Variants in TMED10 observed in about 807,000 individuals in gnomAD.
TMED10 encodes the protein transmembrane p24 trafficking protein 10, also known as transmembrane emp24 domain-containing protein 10.
A neutral mutation model predicts 23.1 loss-of-function variants in TMED10; 7 were observed. The ratio of observed to expected loss-of-function variants is 0.30; its 90% CI spans 0.17 to 0.57. The LOEUF is 0.57. TMED10 is among the 20% of genes least tolerant of loss of function. The pLI is 0.91. For synonymous variants in TMED10, 113 were observed against 106.9 expected, an observed-to-expected ratio of 1.06 and a Z score of -0.35; for missense variants, 162 against 274.8, an observed-to-expected ratio of 0.59 and a Z score of 2.90.
At chr14:75,174,776 C>T (rs899713174) in intron 1 of TMED10, among the ~76,000 whole-genome samples, 2 of 152,078 alleles carry the variant, frequency 1.3e-5, no homozygotes, top group Admixed American at 1.3e-4. Flanking sequence ...GGCGCGGTGG[C>T]TTACGGCTGT....
intron 1 of TMED10, among the ~76,000 whole-genome samples, chr14:75,171,012 T>G (rs1896226546): frequency 6.6e-6 from 1 of 152,134 alleles, no homozygotes; most frequent in South Asian, 2.1e-4. Context: ...CACATCCTAA[T>G]CCCTAGAACC....
chr14:75,149,265 A>T (rs990407205), intron 2 of TMED10, among the ~76,000 whole-genome samples: 1 of 152,248 alleles, frequency 6.6e-6, no homozygotes, highest in Non-Finnish European at 1.5e-5. Flanking sequence ...CTCTGCCCTC[A>T]TCAATAGATT....
intron 1 of TMED10, among the ~76,000 whole-genome samples, chr14:75,165,017 TA>T (rs1201608450): frequency 6.6e-6 from 1 of 152,002 alleles, no homozygotes; most frequent in Non-Finnish European, 1.5e-5. Context: ...TAATAAGGAA[TA>T]AACTACATGA....
intron 1 of TMED10, among the ~76,000 whole-genome samples, chr14:75,165,988 G>T (rs1235669606): frequency 2.6e-5 from 4 of 151,140 alleles, no homozygotes; most frequent in Admixed American, 1.3e-4. Flanking sequence ...GGGGAGGAGT[G>T]GGGGGGTAAG....
rs186792677 is a variant in TMED10, at chr14:75,135,654, T to C, written c.538+106A>G. 197 of 1,491,820 alleles carry C rather than the reference T, an allele frequency of 1.3e-4. No homozygotes were observed. The Admixed American group carries it at 4.3e-3, about 33-fold the overall frequency. 92.4% of individuals were successfully genotyped at this position (1,491,820 alleles called of 1,614,324 possible). A position where few individuals can be genotyped will look rare whatever the true frequency, so the allele number is the denominator to read the frequency against. ...AGCGAAGCAAGCAATTTCCCCTCCA[T>C]ATACCCACCTTGGCAAAACTGAGAA... On this transcript the variant is annotated intron_variant, in intron 4 of 4. Transcript: ENST00000303575.
chr14:75,134,851 A>G lies in TMED10; in HGVS notation c.*34T>C. On this transcript the variant is annotated 3_prime_UTR_variant, in exon 5 of 5. Coordinates refer to ENST00000303575, the MANE Select transcript of TMED10 (RefSeq NM_006827.6). ...CGTCCCAGCGATGTTCTGCTGGCTGAGGTACAAGGTGGGAGGAGAATATGC... is the reference window on the plus strand; with the variant it reads ...CGTCCCAGCGATGTTCTGCTGGCTGGGGTACAAGGTGGGAGGAGAATATGC... 1 of 1,612,248 alleles carries G rather than the reference A, an allele frequency of 6.2e-7. No individual in the cohort carries two copies. The highest frequency in any genetic ancestry group is 2.2e-5 in the East Asian group (1 of 44,802).
chr14:75,161,377 AC>A (rs1896083592), intron 1 of TMED10, among the ~76,000 whole-genome samples: 2 of 152,226 alleles, frequency 1.3e-5, no homozygotes, highest in Admixed American at 6.5e-5. Context: ...CTTATCAAGA[AC>A]CTAAATTGAG....
chr14:75,158,105 T>C (rs1031004673), intron 1 of TMED10, among the ~76,000 whole-genome samples: 1 of 152,150 alleles, frequency 6.6e-6, no homozygotes, highest in African/African-American at 2.4e-5. Flanking sequence ...TTTGCATCAG[T>C]GCAAATCAGA....
intron 1 of TMED10, among the ~76,000 whole-genome samples, chr14:75,164,012 A>G (rs1248119537): frequency 4.6e-5 from 7 of 152,116 alleles, no homozygotes; most frequent in Non-Finnish European, 1.0e-4. Flanking sequence ...TATTATTGTT[A>G]TAACTGTTGG....
chr14:75,135,175 A>G (rs949655333), intron 4 of TMED10, among the ~76,000 whole-genome samples, 169 bp from the exon 5 acceptor site: 1 of 152,134 alleles, frequency 6.6e-6, no homozygotes, highest in Admixed American at 6.6e-5. Context: ...CTGGCTGGGC[A>G]TGGTGTAATC....
intron 4 of TMED10, 24 bp downstream of exon 4, chr14:75,135,736 A>G: frequency 6.2e-7 from 1 of 1,610,442 alleles, no homozygotes; most frequent in South Asian, 1.1e-5. Flanking sequence ...TCACTTAAGA[A>G]GTAAGAGTCG....
At position 75,145,703 on chromosome 14, in the gene TMED10, C is replaced by T. The variant is rs983278806; in HGVS notation, c.411+1961G>A. Reference sequence around the variant, plus strand: ...TCGGGAGGCTGAGGCAGGAGAATGGCGTGAACCCGGGAGGCGGAGCTTGCA... The same window carrying T: ...TCGGGAGGCTGAGGCAGGAGAATGGTGTGAACCCGGGAGGCGGAGCTTGCA... On this transcript the variant is annotated intron_variant, in intron 3 of 4. Transcript: ENST00000303575. Among the ~76,000 whole-genome samples the T allele has an allele frequency of 4.0e-4, 61 of 152,134 alleles. 1 individual carries two copies. Among genetic ancestry groups the T allele is most frequent in the South Asian group, 1.0e-3 (5 of 4,830 alleles).
intron 3 of TMED10, 65 bp from the exon 4 acceptor site, chr14:75,135,951 G>A (rs1231820021): frequency 6.3e-7 from 1 of 1,579,458 alleles, no homozygotes; most frequent in African/African-American, 1.4e-5. Flanking sequence ...CATAAAGAAG[G>A]CAACAGAGAA....
chr14:75,147,880 C>A (rs1895908652), intron 2 of TMED10, 143 bp from the exon 3 acceptor site: 8 of 746,610 alleles, frequency 1.1e-5, no homozygotes, highest in Non-Finnish European at 1.8e-5. Flanking sequence ...TGCTCAGTTG[C>A]AGAAAATTCC....
intron 2 of TMED10, among the ~76,000 whole-genome samples, chr14:75,150,805 C>T (rs1374679960): frequency 3.9e-5 from 6 of 152,216 alleles, no homozygotes; most frequent in Non-Finnish European, 8.8e-5. Flanking sequence ...ATAGAACTGT[C>T]AGCCTATCCT....
At chr14:75,161,412 T>C (rs1231922418) in intron 1 of TMED10, among the ~76,000 whole-genome samples, 1 of 152,178 alleles carries the variant, frequency 6.6e-6, no homozygotes, top group African/African-American at 2.4e-5. Flanking sequence ...TAAAATAAAT[T>C]TGGTTCTAAG....
intron 3 of TMED10, among the ~76,000 whole-genome samples, chr14:75,144,426 A>C (rs1566670292): frequency 2.0e-5 from 3 of 152,264 alleles, no homozygotes; most frequent in African/African-American, 7.2e-5. Context: ...TAAAGAATTC[A>C]AACAACAAGA....
chr14:75,150,324 T>C (rs552802603), intron 2 of TMED10, among the ~76,000 whole-genome samples: 1 of 152,324 alleles, frequency 6.6e-6, no homozygotes, highest in South Asian at 2.1e-4. Context: ...GATTACGACA[T>C]TGTCCATGGA....
intron 1 of TMED10, among the ~76,000 whole-genome samples, chr14:75,167,219 C>T (rs1429096566): frequency 6.6e-6 from 1 of 152,138 alleles, no homozygotes; most frequent in Non-Finnish European, 1.5e-5. Flanking sequence ...GGATTACAGG[C>T]GTGAGCCACC....
Sources: allele counts gnomAD v4.1 joint callset (sites outside exome capture counted in the v4.1 genomes callset), GRCh38; gene constraint gnomAD v4.1.1; transcripts MANE v1.5; gene names NCBI Gene and HGNC (gene_info 2026-07-23, HGNC 2026-07-21).